The following PXT1 variants were observed in gnomAD, a reference collection of about 807,000 sequenced individuals.
PXT1 encodes the protein peroxisomal testis-specific protein 1.
In PXT1, 11 loss-of-function variants were observed where a neutral mutation model predicts 11.0. The ratio of observed to expected loss-of-function variants is 1.00; its 90% confidence interval spans 0.63 to 1.66. The LOEUF (loss-of-function observed/expected upper bound fraction) is 1.66. Among genes scored for constraint, PXT1 ranks in the 40% most tolerant of loss-of-function variants. The probability of loss-of-function intolerance (pLI) is 0.00; values close to 1 mark genes in which losing one functional copy is unlikely to be tolerated. For synonymous variants in PXT1, 43 were observed against 51.4 expected, an observed-to-expected ratio of 0.84 and a Z score of 0.70; for missense variants, 141 against 155.5, an observed-to-expected ratio of 0.91 and a Z score of 0.49.
intron 1 of PXT1, among the ~76,000 whole-genome samples, chr6:36,440,576 C>CAA (rs78313648): frequency 2.6e-5 from 3 of 114,066 alleles, no homozygotes; most frequent in Non-Finnish European, 1.9e-5. Context: ...GACACTGTCT[C>CAA]AAAAAAAAAA....
intron 2 of PXT1, among the ~76,000 whole-genome samples, chr6:36,433,151 A>G (rs1184279273): frequency 1.3e-5 from 2 of 152,052 alleles, no homozygotes; most frequent in Non-Finnish European, 2.9e-5. Context: ...TCAAGCATGG[A>G]GGAATCAGGG....
intron 3 of PXT1, among the ~76,000 whole-genome samples, chr6:36,401,242 G>T (rs1774209035): frequency 6.6e-6 from 1 of 151,694 alleles, no homozygotes; most frequent in African/African-American, 2.4e-5. Context: ...TTGAAATTTG[G>T]TGTTTATTTT....
At chr6:36,435,868 C>A (rs371068772) in intron 2 of PXT1, among the ~76,000 whole-genome samples, 1 of 152,028 alleles carries the variant, frequency 6.6e-6, no homozygotes, top group Non-Finnish European at 1.5e-5. Flanking sequence ...ACAAGTAAGA[C>A]TAGAATAAAC....
chr6:36,405,156 G>A (rs1774270551), intron 3 of PXT1, among the ~76,000 whole-genome samples: 1 of 152,024 alleles, frequency 6.6e-6, no homozygotes, highest in Non-Finnish European at 1.5e-5. Context: ...GCTAATATAT[G>A]TGTTTGTGTC....
At position 36,439,644 on chromosome 6, in the gene PXT1, G is replaced by GA. The variant is rs11478447; in HGVS notation, c.-129-759dup. On this transcript the variant is annotated intron_variant, in intron 1 of 4. Transcript: ENST00000454782. ...ACAACAACAACACTCATATAAGGCT[G>GA]AAAAAAAAAAAAAAAAAACAACTAA... 5.2e-4 allele frequency among the ~76,000 whole-genome samples: 53 copies of GA among 102,792 alleles called. 1 individual carries two copies. The highest frequency in any genetic ancestry group is 1.2e-3 in the African/African-American group (34 of 27,956). 67.4% of individuals were successfully genotyped at this position (102,792 alleles called of 152,430 possible). A position where few individuals can be genotyped will look rare whatever the true frequency, so the allele number is the denominator to read the frequency against.
Position 36,442,794 on chromosome 6 carries a change from A to C in PXT1, c.-389T>G, listed in dbSNP as rs1247600050. On this transcript the variant is annotated 5_prime_UTR_variant, in exon 1 of 5. Transcript: ENST00000454782. ...ACTTTTCCGTCTGCAACCTTTAATA[A>C]TTGAGAGGGTATGCGCAACTCAGAA... 1 of 152,222 alleles carries C rather than the reference A, an allele frequency of 6.6e-6. No individual in the cohort carries two copies. The highest frequency in any genetic ancestry group is 1.9e-4 in the East Asian group (1 of 5,198). 9.4% of individuals were successfully genotyped at this position (152,222 alleles called of 1,614,324 possible).
chr6:36,438,163 T>TG (rs1487309046), intron 2 of PXT1, among the ~76,000 whole-genome samples: 1 of 152,188 alleles, frequency 6.6e-6, no homozygotes, highest in Non-Finnish European at 1.5e-5. Flanking sequence ...TATCTTTTGT[T>TG]GGAGTTTCAG....
intron 2 of PXT1, among the ~76,000 whole-genome samples, chr6:36,429,697 G>A (rs515129): frequency 0.43 from 63,850 of 148,830 alleles, 15,026 homozygotes; most frequent in African/African-American, 0.61. Context: ...TAGAGATAGG[G>A]TTTCACCGTG....
At chr6:36,413,521 A>T (rs1162173696) in intron 3 of PXT1, among the ~76,000 whole-genome samples, 1 of 152,232 alleles carries the variant, frequency 6.6e-6, no homozygotes, top group African/African-American at 2.4e-5. Flanking sequence ...AACACCAAGG[A>T]TAAATAGAAG....
chr6:36,422,035 G>A (rs1156523956), intron 3 of PXT1, among the ~76,000 whole-genome samples: 1 of 151,998 alleles, frequency 6.6e-6, no homozygotes, highest in Non-Finnish European at 1.5e-5. Flanking sequence ...ATTTGTTACA[G>A]TCATTGTATA....
At position 36,431,059 on chromosome 6, in the gene PXT1, A is replaced by G. The variant is rs186785205; in HGVS notation, c.-9-4968T>C. 9.8e-4 allele frequency among the ~76,000 whole-genome samples: 148 copies of G among 151,640 alleles called. 1 individual carries two copies. The East Asian group carries it at 0.028, about 29-fold the overall frequency. On this transcript the variant is annotated intron_variant, in intron 2 of 4. Coordinates refer to ENST00000454782, the MANE Select transcript of PXT1 (RefSeq NM_152990.4). ...TCAAACTCCTGACCTCAAGTGATAC[A>G]CCCCCCTCGGCCTCCCAAAGTGCTG...
At chr6:36,434,450 TTA>T (rs149489278) in intron 2 of PXT1, among the ~76,000 whole-genome samples, 2,090 of 152,316 alleles carry the variant, frequency 0.014, 46 homozygotes, top group African/African-American at 0.045. Flanking sequence ...TAATAAAATT[TTA>T]TGTTAATGTC....
In PXT1 at chr6:36,415,064, G is replaced by A. The variant is rs190459613; in HGVS notation, c.169+10850C>T. ...AATCTTTGGTCTGAATAATAATTTCGAAATAATTTGCTTAAATTTAGCAGG... is the reference window on the plus strand; with the variant it reads ...AATCTTTGGTCTGAATAATAATTTCAAAATAATTTGCTTAAATTTAGCAGG... On this transcript the variant is annotated intron_variant, in intron 3 of 4. Coordinates refer to ENST00000454782, the MANE Select transcript of PXT1 (RefSeq NM_152990.4). Among the ~76,000 whole-genome samples the A allele has an allele frequency of 3.4e-3, 520 of 152,192 alleles. 1 individual carries two copies. Among genetic ancestry groups the A allele is most frequent in the African/African-American group, 0.012 (490 of 41,502 alleles).
At chr6:36,425,535 A>T (rs984766968) in intron 3 of PXT1, among the ~76,000 whole-genome samples, 1 of 152,094 alleles carries the variant, frequency 6.6e-6, no homozygotes, top group Non-Finnish European at 1.5e-5. Context: ...CTGTAAATCT[A>T]GCACTTTGGG....
At chr6:36,429,850 A>G (rs1774667110) in intron 2 of PXT1, among the ~76,000 whole-genome samples, 1 of 119,518 alleles carries the variant, frequency 8.4e-6, no homozygotes, top group African/African-American at 3.9e-5. Flanking sequence ...TTTACTTAAT[A>G]AAATAATTTA....
At chr6:36,396,256 G>A (rs1311393040) in intron 4 of PXT1, among the ~76,000 whole-genome samples, 2 of 152,242 alleles carry the variant, frequency 1.3e-5, no homozygotes, top group African/African-American at 4.8e-5. Context: ...GCAGGAAGGT[G>A]CAGCTGGGGC....
At chr6:36,394,551 G>A (rs79059914) in intron 4 of PXT1, among the ~76,000 whole-genome samples, 7,503 of 152,042 alleles carry the variant, frequency 0.049, 246 homozygotes, top group Middle Eastern at 0.092. Flanking sequence ...ACCTAGACCC[G>A]GTGACAACTC....
chr6:36,392,959 C>G (rs563973879), intron 4 of PXT1: 2 of 152,134 alleles, frequency 1.3e-5, no homozygotes, highest in African/African-American at 4.8e-5. Flanking sequence ...GCCCACCACC[C>G]ACCCTTCTGA....
At chr6:36,423,372 C>G (rs1031667980) in intron 3 of PXT1, among the ~76,000 whole-genome samples, 8 of 152,266 alleles carry the variant, frequency 5.3e-5, no homozygotes, top group Non-Finnish European at 1.0e-4. Context: ...CCAGTGAGAA[C>G]CCCGCTCCCG....
Sources: gnomAD v4.1 joint callset for allele counts (sites outside exome capture counted in the v4.1 genomes callset) on GRCh38, gnomAD v4.1.1 for gene constraint, MANE v1.5 for transcripts, NCBI Gene and HGNC (gene_info 2026-07-23, HGNC 2026-07-21) for gene names.